The following SLC24A2 variants were observed in gnomAD, a reference collection of about 807,000 sequenced individuals.
The protein encoded by SLC24A2 is sodium/potassium/calcium exchanger 2.
A neutral mutation model predicts 62.0 loss-of-function variants in SLC24A2; 36 were observed. That is an observed-to-expected ratio of 0.58 (90% CI 0.44 to 0.77). The LOEUF (loss-of-function observed/expected upper bound fraction) is 0.77, where lower values mean the gene tolerates loss of function less well. SLC24A2 is among the 30% of genes least tolerant of loss of function. SLC24A2 has a pLI of 0.00. For synonymous variants in SLC24A2, 358 were observed against 294.0 expected (o/e 1.22, Z -2.23); for missense variants, 846 against 817.9 (o/e 1.03, Z -0.42).
the SLC24A2 span, among the ~76,000 whole-genome samples, chr9:19,822,033 G>C: frequency 6.6e-6 from 1 of 152,150 alleles, no homozygotes; most frequent in Admixed American, 6.6e-5. Flanking sequence ...ATCATCTATA[G>C]CAGTGGTTCC....
rs1020282243 is a variant in SLC24A2 at position 19,512,994 on chromosome 9, A to T, written c.*3159T>A. 6.6e-6 allele frequency: 1 copy of T among 151,684 alleles called. No individual in the cohort carries two copies. 9.4% of individuals were successfully genotyped at this position (151,684 alleles called of 1,614,324 possible). A position where few individuals can be genotyped will look rare whatever the true frequency, so the allele number is the denominator to read the frequency against. Reference sequence around the variant, plus strand: ...TGTGCATGGAACAAACAACCTTATGAAATCAGGAAGAAATGTTCCCTTTGG... The same window carrying T: ...TGTGCATGGAACAAACAACCTTATGTAATCAGGAAGAAATGTTCCCTTTGG... On this transcript the variant is annotated 3_prime_UTR_variant, in exon 11 of 11. Transcript: ENST00000341998.
intron 2 of SLC24A2, among the ~76,000 whole-genome samples, chr9:19,720,689 AC>A (rs370571898): frequency 0.18 from 14,081 of 77,504 alleles, 770 homozygotes; most frequent in East Asian, 0.27. Context: ...TACAATGACA[AC>A]CCCCCCCCCC....
chr9:20,273,149 G>A, the SLC24A2 span, among the ~76,000 whole-genome samples: 1 of 152,176 alleles, frequency 6.6e-6, no homozygotes, highest in Non-Finnish European at 1.5e-5. Flanking sequence ...ATGGAGCACA[G>A]GACACACTGC....
chr9:20,241,847 G>T, the SLC24A2 span, among the ~76,000 whole-genome samples: 2 of 152,092 alleles, frequency 1.3e-5, no homozygotes, highest in African/African-American at 4.8e-5. Context: ...ATGCAAGACA[G>T]TATTACAGCT....
intron 8 of SLC24A2, among the ~76,000 whole-genome samples, chr9:19,546,735 G>GA (rs796896456): frequency 9.7e-4 from 140 of 144,112 alleles, no homozygotes; most frequent in South Asian, 2.2e-3. Context: ...TGAGGTATGG[G>GA]AAAAAAAAAA....
the SLC24A2 span, among the ~76,000 whole-genome samples, chr9:19,902,099 T>C: frequency 6.6e-6 from 1 of 152,150 alleles, no homozygotes; most frequent in Non-Finnish European, 1.5e-5. Context: ...ATTTGGTATT[T>C]TATTGTCACA....
the SLC24A2 span, among the ~76,000 whole-genome samples, chr9:20,050,727 T>C: frequency 6.6e-6 from 1 of 152,016 alleles, no homozygotes; most frequent in Non-Finnish European, 1.5e-5. Flanking sequence ...AATATTGGAG[T>C]CTGGTTTTAC....
At chr9:19,995,064 G>A in the SLC24A2 span, among the ~76,000 whole-genome samples, 1 of 137,064 alleles carries the variant, frequency 7.3e-6, no homozygotes, top group Non-Finnish European at 1.6e-5. Context: ...CCCTGTGGTA[G>A]TTAATATCTC....
chr9:20,147,037 G>C, the SLC24A2 span, among the ~76,000 whole-genome samples: 3 of 152,204 alleles, frequency 2.0e-5, 1 homozygote, highest in East Asian at 5.8e-4. Context: ...CCCCCTATGA[G>C]CTGGCCCTAA....
chr9:19,552,292 C>T lies in SLC24A2; in HGVS notation c.1348-2024G>A, dbSNP rs115011379. ...CATTCCCTATTGGGCTCACCAGCCT[C>T]CCAAGGTGTCAGCTAGCTACGTGAA... On this transcript the variant is annotated intron_variant, in intron 7 of 10. Transcript: ENST00000341998. 8.0e-3 allele frequency among the ~76,000 whole-genome samples: 1,218 copies of T among 152,276 alleles called. 17 individuals are homozygous for T. The highest frequency in any genetic ancestry group is 0.028 in the African/African-American group (1,163 of 41,554).
chr9:19,813,611 G>C, the SLC24A2 span, among the ~76,000 whole-genome samples: 534 of 152,052 alleles, frequency 3.5e-3, 2 homozygotes, highest in Non-Finnish European at 4.8e-3. Context: ...GAACCACCAC[G>C]TCCAGCCCAT....
chr9:19,542,381 G>A (rs1834315559), intron 8 of SLC24A2, among the ~76,000 whole-genome samples: 1 of 152,204 alleles, frequency 6.6e-6, no homozygotes, highest in Admixed American at 6.5e-5. Context: ...CATGTCATCT[G>A]CAAACAGAGA....
Position 19,786,525 on chromosome 9 carries a change from A to C in SLC24A2, c.342T>G (p.Asp114Glu). ...CTTTCGGGTAGTCTCCTTGGGCGTG[A>C]TCTGTACTATTCTCAGACTCGCCTT... ...SKEGESENSTDHAQGDYPKDI... is the reference protein window; with the variant it reads ...SKEGESENSTEHAQGDYPKDI... The change falls in exon 2 of 11, where the codon GAT becomes GAG. Residue 114 changes from aspartate to glutamate, a missense_variant. By Grantham distance (45) the Asp-to-Glu change is conservative. Transcript: ENST00000341998. The surrounding 1 kb of genome is among the most constrained non-coding windows in gnomAD (Gnocchi z 5.0). 6.2e-7 allele frequency: 1 copy of C among 1,614,156 alleles called. No homozygotes were observed. The highest frequency in any genetic ancestry group is 8.5e-7 in the Non-Finnish European group (1 of 1,180,024).
chr9:20,085,624 C>T, the SLC24A2 span, among the ~76,000 whole-genome samples: 1 of 152,190 alleles, frequency 6.6e-6, no homozygotes. Flanking sequence ...TCATTCAGTT[C>T]ACCATCTCAC....
chr9:20,047,001 C>T, the SLC24A2 span, among the ~76,000 whole-genome samples: 81 of 152,220 alleles, frequency 5.3e-4, no homozygotes, highest in South Asian at 1.5e-3. Flanking sequence ...CTTATTTTTA[C>T]GGGACTACTA....
chr9:19,803,493 A>C, the SLC24A2 span, among the ~76,000 whole-genome samples: 4 of 152,208 alleles, frequency 2.6e-5, no homozygotes, highest in African/African-American at 9.6e-5. Context: ...TACCAGTGTA[A>C]CGTTAGGGAG....
At chr9:20,051,189 T>C in the SLC24A2 span, among the ~76,000 whole-genome samples, 4 of 152,158 alleles carry the variant, frequency 2.6e-5, no homozygotes, top group African/African-American at 7.2e-5. Flanking sequence ...GGAAAAGATA[T>C]ACCATGCTAA....
the SLC24A2 span, among the ~76,000 whole-genome samples, chr9:20,039,134 G>C: frequency 6.6e-6 from 1 of 152,338 alleles, no homozygotes; most frequent in East Asian, 1.9e-4. Context: ...AGGCGGCATG[G>C]TGTGGTGGAA....
At chr9:19,703,652 T>C (rs1297911797) in intron 2 of SLC24A2, among the ~76,000 whole-genome samples, 1 of 152,136 alleles carries the variant, frequency 6.6e-6, no homozygotes, top group Non-Finnish European at 1.5e-5. Context: ...TGGATAAAAT[T>C]AGATGAATTG....
Sources: allele counts gnomAD v4.1 joint callset (sites outside exome capture counted in the v4.1 genomes callset), GRCh38; gene constraint gnomAD v4.1.1; non-coding constraint Gnocchi (gnomAD v3.1); transcripts MANE v1.5; gene names NCBI Gene and HGNC (gene_info 2026-07-23, HGNC 2026-07-21).